The following CD6 variants were observed in gnomAD, a reference collection of about 807,000 sequenced individuals.
The protein encoded by CD6 is CD6 molecule, also known as T-cell differentiation antigen CD6.
A neutral mutation model predicts 75.3 loss-of-function variants in CD6; 53 were observed. The observed-to-expected ratio is 0.70, with a 90% CI of 0.56 to 0.88. The LOEUF is 0.88. CD6 is among the 40% of genes least tolerant of loss of function. CD6 has a pLI of 0.00. For synonymous variants in CD6, 359 were observed against 381.5 expected, an observed-to-expected ratio of 0.94 and a Z score of 0.69; for missense variants, 770 against 897.1, an observed-to-expected ratio of 0.86 and a Z score of 1.81.
intron 1 of CD6, among the ~76,000 whole-genome samples, chr11:60,982,326 ACT>A (rs1857603744): frequency 1.3e-5 from 2 of 152,036 alleles, no homozygotes; most frequent in Admixed American, 6.5e-5. Context: ...GCCAAGCGTG[ACT>A]CTGTTCATTT....
intron 1 of CD6, among the ~76,000 whole-genome samples, chr11:61,004,937 C>T (rs1858778839): frequency 6.6e-6 from 1 of 152,202 alleles, no homozygotes; most frequent in Admixed American, 6.5e-5. Flanking sequence ...AGGCTTCAAC[C>T]AGCCCAACCT....
chr11:61,017,621 C>T, intron 10 of CD6, 71 bp downstream of exon 10: 1 of 1,567,498 alleles, frequency 6.4e-7, no homozygotes, highest in Non-Finnish European at 8.8e-7. Context: ...AGCTTGAGAC[C>T]TTCCAGCAGG....
Position 60,977,544 on chromosome 11 carries a change from C to T in CD6, c.49+5630C>T, listed in dbSNP as rs184662311. The stretch of plus-strand genomic sequence containing the variant: ...GTAAGTTATCCAGCATAGCTCTTCC[C>T]GGAGCACTTTATTCCAGCCCACCTT... On this transcript the variant is annotated intron_variant, in intron 1 of 12. Coordinates refer to ENST00000313421, the MANE Select transcript of CD6 (RefSeq NM_006725.5). 2.2e-3 allele frequency among the ~76,000 whole-genome samples: 332 copies of T among 152,338 alleles called. 3 individuals are homozygous for T. The highest frequency in any genetic ancestry group is 7.5e-3 in the African/African-American group (311 of 41,572).
chr11:61,009,711 C>T lies in CD6; in HGVS notation c.921C>T (p.Gly307=). 1 of 1,614,116 alleles carries T rather than the reference C, an allele frequency of 6.2e-7. No homozygotes were observed. The highest frequency in any genetic ancestry group is 8.5e-7 in the Non-Finnish European group (1 of 1,180,020). ...CCAAGGTGCTCTGCCAGTCCTTGGG[C>T]TGTGGAACTGCGGTTGAGAGGCCCA... ...SEAKVLCQSL[G]CGTAVERPKG... is the part of the protein sequence containing the mutation. Residue 307 remains glycine, a synonymous_variant, in exon 5 of 13, where the codon GGC becomes GGT. Transcript: ENST00000313421.
At chr11:61,000,773 G>A (rs1055533272) in intron 1 of CD6, among the ~76,000 whole-genome samples, 1 of 152,182 alleles carries the variant, frequency 6.6e-6, no homozygotes, top group African/African-American at 2.4e-5. Context: ...TCAAATTCCA[G>A]GCAACAAGGC....
At chr11:61,015,581 G>GAAA in intron 8 of CD6, 132 bp from the exon 9 acceptor site, 1 of 1,052,202 alleles carries the variant, frequency 9.5e-7, no homozygotes, top group Non-Finnish European at 1.4e-6. Context: ...AGAAAAGAAA[G>GAAA]AAAAAAAAAG....
At chr11:61,014,175 G>A (rs762543620) in intron 8 of CD6, among the ~76,000 whole-genome samples, 161 bp downstream of exon 8, 1 of 152,190 alleles carries the variant, frequency 6.6e-6, no homozygotes, top group Non-Finnish European at 1.5e-5. Flanking sequence ...GGCTCAAGTC[G>A]TCCCTGGACA....
chr11:61,013,197 T>G (rs192089487), intron 6 of CD6, among the ~76,000 whole-genome samples: 45 of 152,378 alleles, frequency 3.0e-4, no homozygotes, highest in South Asian at 1.0e-3. Context: ...CAGAGTTCTA[T>G]TTCAGGCAGT....
chr11:60,982,068 C>G (rs7121612), intron 1 of CD6, among the ~76,000 whole-genome samples: 6 of 67,708 alleles, frequency 8.9e-5, no homozygotes, highest in African/African-American at 1.4e-4. Flanking sequence ...GCCAGGGTGG[C>G]GGGGGGGGGG....
chr11:61,006,960 A>G (rs991354600), intron 2 of CD6, among the ~76,000 whole-genome samples: 5 of 152,154 alleles, frequency 3.3e-5, no homozygotes, highest in Non-Finnish European at 5.9e-5. Context: ...GACGTTTATT[A>G]AGGACCTACT....
At chr11:60,988,950 T>A (rs1356208224) in intron 1 of CD6, among the ~76,000 whole-genome samples, 1 of 152,196 alleles carries the variant, frequency 6.6e-6, no homozygotes, top group Non-Finnish European at 1.5e-5. Flanking sequence ...TGCAGAAACC[T>A]AGCCCAGCCT....
Position 61,017,753 on chromosome 11 carries a change from C to A in CD6, c.1583-6C>A. ...TTTCGTCACCATTCTCCCTTTCCTG[C>A]CTTAGGACTTGAAGAGTTGCATGCC... On this transcript the variant is annotated splice_polypyrimidine_tract_variant and splice_region_variant and intron_variant, in intron 10 of 12. Transcript: ENST00000313421. The A allele has an allele frequency of 6.2e-7, 1 of 1,614,026 alleles. No homozygotes were observed. Among genetic ancestry groups the A allele is most frequent in the Non-Finnish European group, 8.5e-7 (1 of 1,179,964 alleles).
chr11:61,013,641 G>A, intron 7 of CD6, 78 bp downstream of exon 7: 1 of 1,507,318 alleles, frequency 6.6e-7, no homozygotes, highest in Non-Finnish European at 9.1e-7. Flanking sequence ...CAGTGGCGTG[G>A]TCCAGCAATG....
chr11:61,000,749 C>T (rs771492960), intron 1 of CD6, among the ~76,000 whole-genome samples: 2 of 152,202 alleles, frequency 1.3e-5, no homozygotes, highest in Non-Finnish European at 2.9e-5. Flanking sequence ...GTATCAGTGT[C>T]CCGTTCCGTT....
At chr11:61,015,373 A>C (rs2905519) in intron 8 of CD6, 188,955 of 189,740 alleles carry the variant, frequency 1, 94,093 homozygotes, top group Middle Eastern at 1. Context: ...GAGTTTGAGA[A>C]CAGCCTGGGC....
chr11:61,007,752 T>TGAGCC lies in CD6; in HGVS notation c.312_313insAGCCG (p.Pro105SerfsTer13). 6.9e-7 allele frequency: 1 copy of TGAGCC among 1,447,344 alleles called. No individual in the cohort carries two copies. The allele number at this position is 1,447,344 out of a possible 1,614,324, so 89.7% of individuals were successfully genotyped here. On this transcript the variant is annotated frameshift_variant, in exon 3 of 13. Transcript: ENST00000313421. LOFTEE classifies it high-confidence loss of function. The surrounding 1 kb of genome is among the most constrained non-coding windows in gnomAD (Gnocchi z 4.2). ...CAGCTCGCCCCGCCGACCCCTGAGC[T>TGAGCC]GCCGCCCCCGCCTGCAGCCGGGAAC... is the stretch of plus-strand genomic sequence containing the variant.
At chr11:61,018,066 G>A in intron 11 of CD6, 53 bp downstream of exon 11, 1 of 1,588,604 alleles carries the variant, frequency 6.3e-7, no homozygotes, top group East Asian at 2.2e-5. Context: ...GGCTGGAGGA[G>A]GCATAAAGCT....
At chr11:60,981,558 C>CGGGA (rs1857559700) in intron 1 of CD6, among the ~76,000 whole-genome samples, 1 of 152,212 alleles carries the variant, frequency 6.6e-6, no homozygotes, top group Admixed American at 6.5e-5. Flanking sequence ...GCAGGGCCAA[C>CGGGA]GGGAGCTCAG....
At chr11:60,998,540 C>A (rs1277179871) in intron 1 of CD6, among the ~76,000 whole-genome samples, 1 of 152,194 alleles carries the variant, frequency 6.6e-6, no homozygotes, top group East Asian at 1.9e-4. Context: ...CAGTGACCCT[C>A]TCCACTGTGC....
Sources: allele counts gnomAD v4.1 joint callset (sites outside exome capture counted in the v4.1 genomes callset), GRCh38; gene constraint gnomAD v4.1.1; non-coding constraint Gnocchi (gnomAD v3.1); transcripts MANE v1.5; gene names NCBI Gene and HGNC (gene_info 2026-07-23, HGNC 2026-07-21).